Variants in CXCL12 observed in about 807,000 individuals in gnomAD.
The protein encoded by CXCL12 is stromal cell-derived factor 1.
A neutral mutation model predicts 10.7 loss-of-function variants in CXCL12; 4 were observed. The ratio of observed to expected loss-of-function variants is 0.37; its 90% CI spans 0.18 to 0.86. The LOEUF (loss-of-function observed/expected upper bound fraction) is 0.86, where lower values mean the gene tolerates loss of function less well. Ranked by LOEUF, CXCL12 falls within the 40% of genes least tolerant of loss-of-function variation. The probability of loss-of-function intolerance (pLI) is 0.43; values close to 1 mark genes in which losing one functional copy is unlikely to be tolerated. For synonymous variants in CXCL12, 54 were observed against 45.4 expected (o/e 1.19, Z -0.77); for missense variants, 122 against 110.4 (o/e 1.10, Z -0.47).
chr10:44,375,092 G>A (rs996853849), downstream of CXCL12, among the ~76,000 whole-genome samples: 6 of 152,220 alleles, frequency 3.9e-5, no homozygotes, highest in African/African-American at 1.4e-4. Context: ...GGCGGGAGGG[G>A]ACAGGCTGGG....
chr10:44,370,382 A>G (rs573610322), exon 4 of CXCL12: 1 of 152,786 alleles, frequency 6.5e-6, no homozygotes, highest in South Asian at 2.1e-4. Flanking sequence ...CATCACATTT[A>G]ACACTGAATC....
chr10:44,373,607 C>A (rs547427470), downstream of CXCL12, among the ~76,000 whole-genome samples: 1 of 152,168 alleles, frequency 6.6e-6, no homozygotes, highest in African/African-American at 2.4e-5. Context: ...GGCAGACGCA[C>A]GAAGGCACAG....
chr10:44,371,553 A>G (rs1564457184), downstream of CXCL12: 2 of 173,648 alleles, frequency 1.2e-5, no homozygotes, highest in Non-Finnish European at 2.5e-5. Context: ...GAGGATTTTA[A>G]TTTTTGTTTA....
intron 2 of CXCL12, 109 bp from the exon 3 acceptor site, chr10:44,378,832 T>G (rs1839541658): frequency 1.8e-6 from 2 of 1,106,588 alleles, no homozygotes; most frequent in African/African-American, 3.1e-5. Flanking sequence ...TGGCACCCCG[T>G]GCTCCACTTG....
chr10:44,378,614 T>G lies in CXCL12; in HGVS notation c.*19A>C. The stretch of plus-strand genomic sequence containing the variant: ...TTCCTCGAGTGGGTCTAGCGGAAAG[T>G]CCTTTTTGGCTGTTGTGCTTACTTG... On this transcript the variant is annotated 3_prime_UTR_variant, in exon 3 of 3. Coordinates refer to ENST00000343575, the MANE Select transcript of CXCL12 (RefSeq NM_199168.4). The G allele has an allele frequency of 6.2e-7, 1 of 1,614,082 alleles. No homozygotes were observed. Among genetic ancestry groups the G allele is most frequent in the Non-Finnish European group, 8.5e-7 (1 of 1,179,974 alleles).
downstream of CXCL12, chr10:44,371,932 G>C (rs1454395202): frequency 6.6e-6 from 1 of 152,178 alleles, no homozygotes; most frequent in African/African-American, 2.4e-5. Flanking sequence ...CAGTGGAAGG[G>C]GAACACTCCA....
chr10:44,382,699 C>T (rs935347164), intron 1 of CXCL12, among the ~76,000 whole-genome samples: 1 of 152,126 alleles, frequency 6.6e-6, no homozygotes, highest in African/African-American at 2.4e-5. Flanking sequence ...CCCCCTCCAC[C>T]CCCTGGGATT....
At chr10:44,373,454 A>C, downstream of CXCL12, 2 of 940,970 alleles carry the variant, frequency 2.1e-6, no homozygotes, top group Non-Finnish European at 1.7e-6. Context: ...CCCTACTTCC[A>C]AGTTGCCACC....
rs1225066302 is a variant in CXCL12, at chr10:44,380,745, T to A, written c.179+18A>T. 4.4e-6 allele frequency: 7 copies of A among 1,585,766 alleles called. No homozygotes were observed. In the African/African-American group the frequency reaches 9.4e-5, roughly 21 times the overall value. ...ATGCAACTATGTTCGTTAGATGATGTTCAATTTCAAGACTTACACAATCTG... is the reference window on the plus strand; with the variant it reads ...ATGCAACTATGTTCGTTAGATGATGATCAATTTCAAGACTTACACAATCTG... On this transcript the variant is annotated intron_variant, in intron 2 of 2. Coordinates refer to ENST00000343575, the MANE Select transcript of CXCL12 (RefSeq NM_199168.4).
At chr10:44,380,517 T>A in intron 2 of CXCL12, 1 of 486,658 alleles carries the variant, frequency 2.1e-6, no homozygotes, top group Non-Finnish European at 3.7e-6. Flanking sequence ...AGAACACAGG[T>A]TTGGAAAGAA....
chr10:44,371,702 C>A (rs1402740836), downstream of CXCL12: 1 of 152,970 alleles, frequency 6.5e-6, no homozygotes, highest in Non-Finnish European at 1.5e-5. Flanking sequence ...GATTACATCA[C>A]TATAATTTAC....
Position 44,378,607 on chromosome 10 carries a change from C to T in CXCL12, c.*26G>A, listed in dbSNP as rs750326507. The T allele has an allele frequency of 1.1e-5, 17 of 1,613,848 alleles. No individual in the cohort carries two copies. The highest frequency in any genetic ancestry group is 2.2e-5 in the East Asian group (1 of 44,890). On this transcript the variant is annotated 3_prime_UTR_variant, in exon 3 of 3. Coordinates refer to ENST00000343575, the MANE Select transcript of CXCL12 (RefSeq NM_199168.4). ...TTTAGTTTTCCTCGAGTGGGTCTAG[C>T]GGAAAGTCCTTTTTGGCTGTTGTGC... is the stretch of plus-strand genomic sequence containing the variant.
chr10:44,373,910 C>T (rs2044888526), downstream of CXCL12, among the ~76,000 whole-genome samples: 1 of 152,170 alleles, frequency 6.6e-6, no homozygotes, highest in African/African-American at 2.4e-5. Context: ...TAGCGCACCC[C>T]TCATTTGGCT....
chr10:44,374,164 C>T (rs1431843697), downstream of CXCL12: 3 of 335,996 alleles, frequency 8.9e-6, no homozygotes, highest in African/African-American at 2.1e-5. Context: ...GACCCTGCTC[C>T]CCAGGAGTGG....
At chr10:44,371,319 G>T (rs776758917), downstream of CXCL12, 14 of 460,984 alleles carry the variant, frequency 3.0e-5, no homozygotes, top group Admixed American at 2.7e-4. Context: ...CCTCAACCAA[G>T]AATTCAATGG....
chr10:44,382,183 A>T (rs1839652277), intron 1 of CXCL12, among the ~76,000 whole-genome samples: 2 of 152,178 alleles, frequency 1.3e-5, no homozygotes, highest in Admixed American at 6.5e-5. Flanking sequence ...CTGGTGACTC[A>T]TGGCACTGGA....
At chr10:44,372,644 G>C, downstream of CXCL12, 2 of 1,364,612 alleles carry the variant, frequency 1.5e-6, no homozygotes, top group Non-Finnish European at 1.9e-6. Flanking sequence ...CAGGGCCATG[G>C]AGACAGTCGT....
downstream of CXCL12, chr10:44,373,106 T>C (rs540004799): frequency 8.1e-5 from 125 of 1,535,670 alleles, 1 homozygote; most frequent in South Asian, 1.4e-3. Flanking sequence ...TCTAAGCTGC[T>C]ACGTGTCGCC....
chr10:44,376,300 C>A (rs74643137), downstream of CXCL12, among the ~76,000 whole-genome samples: 73 of 152,346 alleles, frequency 4.8e-4, no homozygotes, highest in African/African-American at 1.7e-3. Context: ...GAACCTGATT[C>A]CCACTGGGGA....
Sources: allele counts gnomAD v4.1 joint callset (sites outside exome capture counted in the v4.1 genomes callset), GRCh38; gene constraint gnomAD v4.1.1; transcripts MANE v1.5; gene names NCBI Gene and HGNC (gene_info 2026-07-23, HGNC 2026-07-21).